Variants in CEP43 observed in about 807,000 individuals in gnomAD.
CEP43 encodes the protein centrosomal protein 43.
CEP43 carries 36 observed loss-of-function variants against 52.6 expected under a neutral mutation model. The ratio of observed to expected loss-of-function variants is 0.68; its 90% CI spans 0.52 to 0.90. The LOEUF is 0.90. Ranked by LOEUF, CEP43 falls within the 40% of genes least tolerant of loss-of-function variation. The pLI is 0.00. For missense variants in CEP43, 506 were observed against 472.8 expected (o/e 1.07, Z -0.65); for synonymous variants, 192 against 172.4 (o/e 1.11, Z -0.89).
intron 8 of CEP43, among the ~76,000 whole-genome samples, chr6:167,023,443 TGAA>T (rs1400232820): frequency 3.3e-5 from 5 of 152,136 alleles, no homozygotes; most frequent in African/African-American, 1.2e-4. Flanking sequence ...ACACGTTAGA[TGAA>T]GAGTGGCAAG....
At chr6:167,036,168 C>T in intron 12 of CEP43, 5 of 985,340 alleles carry the variant, frequency 5.1e-6, no homozygotes, top group Non-Finnish European at 6.0e-6. Flanking sequence ...ATTCATGGGC[C>T]ATGAAAATTC....
At chr6:167,005,671 A>G (rs1316112289) in intron 5 of CEP43, among the ~76,000 whole-genome samples, 1 of 152,192 alleles carries the variant, frequency 6.6e-6, no homozygotes. Context: ...ATTTATCAAT[A>G]TCCAGCAAGC....
At chr6:167,014,050 T>C (rs1288822338) in intron 7 of CEP43, among the ~76,000 whole-genome samples, 1 of 152,230 alleles carries the variant, frequency 6.6e-6, no homozygotes, top group Non-Finnish European at 1.5e-5. Flanking sequence ...AAAATCATAC[T>C]GTTGAATCTT....
chr6:167,033,937 C>A lies in CEP43; in HGVS notation c.1091C>A (p.Ser364Tyr). 6.3e-7 allele frequency: 1 copy of A among 1,593,474 alleles called. No homozygotes were observed. Among genetic ancestry groups the A allele is most frequent in the Non-Finnish European group, 8.6e-7 (1 of 1,164,890 alleles). The change falls in exon 12 of 13, where the codon TCT becomes TAT. Residue 364 changes from serine (S) to tyrosine (Y), a missense_variant. By Grantham distance (144) the Ser-to-Tyr change is moderately radical. Transcript: ENST00000366847. The stretch of plus-strand genomic sequence containing the variant: ...GGTGAAGAGATAGAAGAAGACCTTT[C>A]TGTGGAAATAGATGACATCAATACC... The part of the protein sequence containing the change: ...SIGEEIEEDL[S>Y]VEIDDINTSD...
intron 12 of CEP43, among the ~76,000 whole-genome samples, chr6:167,038,739 A>G (rs912754071): frequency 2.0e-5 from 3 of 152,226 alleles, no homozygotes; most frequent in African/African-American, 7.2e-5. Context: ...AGCTTTAAAT[A>G]TGAGTTGGTT....
At chr6:167,022,271 C>CACAT in intron 7 of CEP43, 138 bp from the exon 8 acceptor site, 2 of 616,898 alleles carry the variant, frequency 3.2e-6, no homozygotes, top group Non-Finnish European at 5.6e-6. Flanking sequence ...CACACACACA[C>CACAT]ACACACACAC....
At chr6:167,018,091 G>C (rs1158600796) in intron 7 of CEP43, among the ~76,000 whole-genome samples, 2 of 152,122 alleles carry the variant, frequency 1.3e-5, no homozygotes, top group African/African-American at 4.8e-5. Flanking sequence ...TTGGCTTGTA[G>C]ATGGATTACT....
At chr6:167,037,264 C>T (rs972711141) in intron 12 of CEP43, among the ~76,000 whole-genome samples, 3 of 152,180 alleles carry the variant, frequency 2.0e-5, no homozygotes, top group African/African-American at 7.2e-5. Context: ...TAATGATCTC[C>T]AATAACTGAA....
Position 167,041,045 on chromosome 6 carries a change from A to G in CEP43, c.*1067A>G, listed in dbSNP as rs1266449467. 6 of 1,030,612 alleles carry G rather than the reference A, an allele frequency of 5.8e-6. No individual in the cohort carries two copies. The highest frequency in any genetic ancestry group is 5.1e-5 in the African/African-American group (3 of 59,180). 63.8% of individuals were successfully genotyped at this position (1,030,612 alleles called of 1,614,324 possible). On this transcript the variant is annotated 3_prime_UTR_variant, in exon 13 of 13. Transcript: ENST00000366847. The stretch of plus-strand genomic sequence containing the variant: ...AAAAACAGTAGAAAGTGATGCATGC[A>G]TATTTATATATAAGTAAAGCAGGAT...
chr6:167,028,335 C>T (rs1780396759), intron 10 of CEP43: 26 of 985,238 alleles, frequency 2.6e-5, no homozygotes, highest in Non-Finnish European at 3.0e-5. Flanking sequence ...TGGGTACAGG[C>T]AGGAGGGTGG....
chr6:167,021,412 C>T (rs1054690824), intron 7 of CEP43, among the ~76,000 whole-genome samples: 1 of 152,302 alleles, frequency 6.6e-6, no homozygotes, highest in East Asian at 1.9e-4. Flanking sequence ...AGAAAGCCAT[C>T]TCCAGATCCT....
intron 10 of CEP43, 105 bp downstream of exon 10, chr6:167,026,720 C>T: frequency 1.4e-6 from 1 of 693,202 alleles, no homozygotes; most frequent in Non-Finnish European, 2.6e-6. Context: ...CACCTTCCTG[C>T]TGCTGCTCAT....
In CEP43 at chr6:167,040,836, T is replaced by C; in HGVS notation, c.*858T>C. ...AATCCAAATTGGAATGAAATAGTAG[T>C]AATGGCCTAAGACCATGTTCAGTTT... On this transcript the variant is annotated 3_prime_UTR_variant, in exon 13 of 13. Coordinates refer to ENST00000366847, the MANE Select transcript of CEP43 (RefSeq NM_007045.4). 9.8e-7 allele frequency: 1 copy of C among 1,023,416 alleles called. No homozygotes were observed. Among genetic ancestry groups the C allele is most frequent in the Non-Finnish European group, 1.2e-6 (1 of 852,204 alleles). The allele number at this position is 1,023,416 out of a possible 1,614,324, so 63.4% of individuals were successfully genotyped here.
chr6:167,008,227 T>C (rs879297227), intron 5 of CEP43, among the ~76,000 whole-genome samples: 1 of 152,154 alleles, frequency 6.6e-6, no homozygotes. Context: ...TATTTCGTTA[T>C]TCTATCCTCC....
At position 167,000,114 on chromosome 6, in the gene CEP43, G is replaced by A. The variant is rs1316509146; in HGVS notation, c.156+1G>A. ...ACTAGAGGAGCAAGAAAAAGTAGAG[G>A]TATGAAGTTTCCAGATTTTAACATG... On this transcript the variant is annotated splice_donor_variant, in intron 2 of 12. Transcript: ENST00000366847. LOFTEE classifies it high-confidence loss of function. The A allele has an allele frequency of 1.9e-6, 3 of 1,608,506 alleles. No homozygotes were observed. The Admixed American group carries it at 5.0e-5, about 27-fold the overall frequency.
chr6:167,028,007 C>CT, intron 10 of CEP43: 2 of 985,768 alleles, frequency 2.0e-6, no homozygotes, highest in Non-Finnish European at 2.4e-6. Flanking sequence ...GGCCTGCCTC[C>CT]TTTCCCTCCC....
Position 166,999,531 on chromosome 6 carries a change from G to A in CEP43, c.102+17G>A. Reference sequence around the variant, plus strand: ...CGCATCAAGGTGAGGCCGGAGGCTGGGGCCGGGCCTGGCGGATCCGCAGGG... The same window carrying A: ...CGCATCAAGGTGAGGCCGGAGGCTGAGGCCGGGCCTGGCGGATCCGCAGGG... On this transcript the variant is annotated intron_variant, in intron 1 of 12. Coordinates refer to ENST00000366847, the MANE Select transcript of CEP43 (RefSeq NM_007045.4). 1.4e-6 allele frequency: 2 copies of A among 1,412,376 alleles called. No homozygotes were observed. Among genetic ancestry groups the A allele is most frequent in the Admixed American group, 2.9e-5 (1 of 34,638 alleles). 87.5% of individuals were successfully genotyped at this position (1,412,376 alleles called of 1,614,324 possible). A position where few individuals can be genotyped will look rare whatever the true frequency, so the allele number is the denominator to read the frequency against.
chr6:167,027,394 C>T (rs889706228), intron 10 of CEP43, among the ~76,000 whole-genome samples: 2 of 152,196 alleles, frequency 1.3e-5, no homozygotes, highest in East Asian at 3.9e-4. Flanking sequence ...CTGAAGGAAA[C>T]GGTGCAGCCA....
chr6:167,041,193 T>A lies in CEP43; in HGVS notation c.*1215T>A. On this transcript the variant is annotated 3_prime_UTR_variant, in exon 13 of 13. Transcript: ENST00000366847. ...ATCTCGGTTAAGTGAGCAGACTGCA[T>A]GACTTGTGTAATGCCAGTTTCTCAT... The A allele has an allele frequency of 1.9e-6, 2 of 1,047,694 alleles. No individual in the cohort carries two copies. Among genetic ancestry groups the A allele is most frequent in the Non-Finnish European group, 2.3e-6 (2 of 868,454 alleles). 64.9% of individuals were successfully genotyped at this position (1,047,694 alleles called of 1,614,324 possible).
Sources: gnomAD v4.1 joint callset for allele counts (sites outside exome capture counted in the v4.1 genomes callset) on GRCh38, gnomAD v4.1.1 for gene constraint, MANE v1.5 for transcripts, NCBI Gene and HGNC (gene_info 2026-07-23, HGNC 2026-07-21) for gene names.